Variants in INSC observed in about 807,000 individuals in gnomAD.
The protein encoded by INSC is INSC spindle orientation adaptor protein.
Under a neutral mutation model 58.6 loss-of-function variants are expected in INSC, and 67 were observed. The observed-to-expected ratio is 1.14, with a 90% CI of 0.94 to 1.40. INSC has a LOEUF of 1.40. INSC is among the 40% of genes most tolerant of loss of function. The probability of loss-of-function intolerance (pLI) is 0.00; values close to 1 mark genes in which losing one functional copy is unlikely to be tolerated. For synonymous variants in INSC, 262 were observed against 276.1 expected (o/e 0.95, Z 0.51); for missense variants, 714 against 692.0 (o/e 1.03, Z -0.36).
intron 1 of INSC, among the ~76,000 whole-genome samples, chr11:15,144,172 C>A (rs1231810977): frequency 6.6e-6 from 1 of 152,180 alleles, no homozygotes; most frequent in Non-Finnish European, 1.5e-5. Context: ...TTCACTAAGA[C>A]TCTTAAGCAA....
chr11:15,120,285 G>A (rs1847839188), intron 1 of INSC, among the ~76,000 whole-genome samples: 1 of 152,164 alleles, frequency 6.6e-6, no homozygotes, highest in Admixed American at 6.5e-5. Flanking sequence ...GGGGGTAGAG[G>A]TAAGTAGGAA....
At chr11:15,253,232 T>C in the INSC span, among the ~76,000 whole-genome samples, 1 of 152,158 alleles carries the variant, frequency 6.6e-6, no homozygotes, top group African/African-American at 2.4e-5. Context: ...ATTTTTTTGC[T>C]TGGGGTAAGG....
intron 12 of INSC, 33 bp from the exon 13 acceptor site, chr11:15,245,879 T>A (rs764783663): frequency 8.7e-6 from 14 of 1,606,238 alleles, no homozygotes; most frequent in Non-Finnish European, 9.4e-6. Flanking sequence ...TGGCCCAGTC[T>A]GACACGTGTC....
intron 7 of INSC, among the ~76,000 whole-genome samples, chr11:15,201,495 G>A (rs563617511): frequency 1.3e-5 from 2 of 152,192 alleles, no homozygotes; most frequent in Non-Finnish European, 2.9e-5. Flanking sequence ...GGTTAGAGGA[G>A]GAAGGTGGTG....
At chr11:15,198,008 G>GGTTCT (rs138187368) in intron 6 of INSC, among the ~76,000 whole-genome samples, 33,176 of 152,052 alleles carry the variant, frequency 0.22, 4,705 homozygotes, top group Non-Finnish European at 0.32. Context: ...TGCTGCACTC[G>GGTTCT]GTTCTTGAAT....
chr11:15,151,711 A>G (rs1304297973), intron 2 of INSC, among the ~76,000 whole-genome samples: 2 of 152,176 alleles, frequency 1.3e-5, no homozygotes, highest in African/African-American at 4.8e-5. Flanking sequence ...TGTGCCCTCC[A>G]CCATCACAGC....
chr11:15,146,876 G>T (rs1271154996), intron 1 of INSC, among the ~76,000 whole-genome samples: 2 of 152,092 alleles, frequency 1.3e-5, no homozygotes, highest in African/African-American at 4.8e-5. Context: ...ATCCCTCAGA[G>T]ATGACTTGAA....
intron 7 of INSC, among the ~76,000 whole-genome samples, chr11:15,219,964 C>G (rs1851375414): frequency 6.6e-6 from 1 of 152,202 alleles, no homozygotes; most frequent in Admixed American, 6.5e-5. Context: ...CCAGGGACCA[C>G]ATGGCTGCTG....
chr11:15,191,044 G>A (rs1048446548), intron 6 of INSC, among the ~76,000 whole-genome samples: 7 of 149,836 alleles, frequency 4.7e-5, no homozygotes, highest in African/African-American at 7.4e-5. Context: ...GCAGTGGCGC[G>A]ATCTCGGCTC....
chr11:15,178,549 A>G (rs868495973), intron 5 of INSC, 102 bp downstream of exon 5: 2 of 1,358,548 alleles, frequency 1.5e-6, no homozygotes, highest in Non-Finnish European at 9.9e-7. Flanking sequence ...ACTGATGTGG[A>G]CTTTATTGGG....
chr11:15,225,619 G>A lies in INSC; in HGVS notation c.992-31G>A, dbSNP rs371021497. Reference sequence around the variant, plus strand: ...CAAGTGATATGAAAACACTTGGCACGGAAGTTATTTTCTTTCTCTTTGCCA... The same window carrying A: ...CAAGTGATATGAAAACACTTGGCACAGAAGTTATTTTCTTTCTCTTTGCCA... On this transcript the variant is annotated intron_variant, in intron 8 of 12. Coordinates refer to ENST00000379556, the MANE Select transcript of INSC (RefSeq NM_001042536.3). 14 of 1,600,400 alleles carry A rather than the reference G, an allele frequency of 8.7e-6. No individual in the cohort carries two copies. The East Asian group carries it at 1.1e-4, about 13-fold the overall frequency.
In INSC at chr11:15,221,613, T is replaced by G. The variant is rs927480189; in HGVS notation, c.956T>G (p.Leu319Arg). 2 of 1,613,572 alleles carry G rather than the reference T, an allele frequency of 1.2e-6. No individual in the cohort carries two copies. The highest frequency in any genetic ancestry group is 2.7e-5 in the African/African-American group (2 of 74,910). Residue 319 changes from leucine (L) to arginine (R), a missense_variant, in exon 8 of 13, where the codon CTG becomes CGG. Leu to Arg is a moderately radical substitution (Grantham distance 102, BLOSUM62 -2). Transcript: ENST00000379556. ...LPVTQHLSSF[L>R]ESMEEIVTAL... ...GTCACCCAGCACCTCAGTAGCTTCC[T>G]GGAGAGCATGGAGGAGATCGTGACA...
chr11:15,235,755 G>GT (rs1399269499), intron 10 of INSC, 87 bp downstream of exon 10: 2 of 1,124,012 alleles, frequency 1.8e-6, no homozygotes, highest in Non-Finnish European at 2.7e-6. Context: ...GCCTGTGCAG[G>GT]TATGTAAATA....
chr11:15,171,756 C>G (rs972003456), intron 2 of INSC, among the ~76,000 whole-genome samples: 1 of 152,212 alleles, frequency 6.6e-6, no homozygotes, highest in East Asian at 1.9e-4. Flanking sequence ...TTGGACTTGT[C>G]TCCCCACTCC....
At chr11:15,204,671 G>A (rs1850726738) in intron 7 of INSC, among the ~76,000 whole-genome samples, 1 of 152,216 alleles carries the variant, frequency 6.6e-6, no homozygotes, top group Admixed American at 6.5e-5. Context: ...GTGGAGTGGG[G>A]AAGTGTGGTT....
Position 15,142,381 on chromosome 11 carries a change from T to C in INSC, c.-45-6749T>C, listed in dbSNP as rs546762713. Among the ~76,000 whole-genome samples, 39 of 152,248 alleles carry C rather than the reference T, an allele frequency of 2.6e-4. 1 individual carries two copies. In the South Asian group the frequency reaches 7.7e-3, roughly 30 times the overall value. On this transcript the variant is annotated intron_variant, in intron 1 of 12. Transcript: ENST00000379556. ...TTCCCTAATCTCACCATGCTCATGATTCTGTGTCAAATGCTCTTCCTTGTG... is the reference window on the plus strand; with the variant it reads ...TTCCCTAATCTCACCATGCTCATGACTCTGTGTCAAATGCTCTTCCTTGTG...
intron 5 of INSC, among the ~76,000 whole-genome samples, chr11:15,181,303 A>T (rs550546660): frequency 1.3e-5 from 2 of 152,368 alleles, no homozygotes; most frequent in African/African-American, 2.4e-5. Flanking sequence ...ATATTATTAA[A>T]GCACCTATTT....
chr11:15,119,298 C>G (rs1847810591), intron 1 of INSC, among the ~76,000 whole-genome samples: 2 of 152,146 alleles, frequency 1.3e-5, no homozygotes, highest in Non-Finnish European at 2.9e-5. Context: ...TGTCTTTCAA[C>G]CCCCCACCAA....
chr11:15,221,461 C>A lies in INSC; in HGVS notation c.820-16C>A, dbSNP rs558608901. ...CACCCAGGATGCACAGGGGAGCTCC[C>A]TCTCTCCATCTGCAGGTGGATGGCG... On this transcript the variant is annotated splice_polypyrimidine_tract_variant and intron_variant, in intron 7 of 12. Transcript: ENST00000379556. 6.3e-7 allele frequency: 1 copy of A among 1,596,116 alleles called. No individual in the cohort carries two copies.
Sources: allele counts gnomAD v4.1 joint callset (sites outside exome capture counted in the v4.1 genomes callset), GRCh38; gene constraint gnomAD v4.1.1; transcripts MANE v1.5; gene names NCBI Gene and HGNC (gene_info 2026-07-23, HGNC 2026-07-21).